PGAP6: variants seen among roughly 807,000 people sequenced by gnomAD.
PGAP6 encodes the protein post-GPI attachment to proteins 6.
A neutral mutation model predicts 68.4 loss-of-function variants in PGAP6; 62 were observed. That is an observed-to-expected ratio of 0.91 (90% confidence interval 0.74 to 1.12). The LOEUF is 1.12. PGAP6 is among the 50% of genes most tolerant of loss of function. The pLI is 0.00. For synonymous variants in PGAP6, 575 were observed against 474.0 expected (o/e 1.21, Z -2.77); for missense variants, 1,188 against 1,068.5 (o/e 1.11, Z -1.56).
chr16:374,938 C>CA, intron 8 of PGAP6, 46 bp from the exon 9 acceptor site: 1 of 1,609,864 alleles, frequency 6.2e-7, no homozygotes, highest in Non-Finnish European at 8.5e-7. Flanking sequence ...GATCTGACAG[C>CA]CCAGCTGCCA....
chr16:372,800 A>C (rs2054346926), intron 11 of PGAP6, 73 bp from the exon 12 acceptor site: 1 of 1,069,758 alleles, frequency 9.3e-7, no homozygotes, highest in African/African-American at 1.6e-5. Flanking sequence ...CGCGTACCCC[A>C]CGGCCCCACA....
chr16:384,562 T>C (rs1365225942), upstream of PGAP6, among the ~76,000 whole-genome samples: 1 of 152,120 alleles, frequency 6.6e-6, no homozygotes, highest in Non-Finnish European at 1.5e-5. Context: ...AACATTAAAA[T>C]GTAATGGAGA....
chr16:374,421 G>T, intron 9 of PGAP6, 22 bp from the exon 10 acceptor site: 2 of 1,539,830 alleles, frequency 1.3e-6, no homozygotes, highest in South Asian at 2.4e-5. Flanking sequence ...AAACCCCGAC[G>T]CGGAGGCTGG....
chr16:381,947 G>GGCCGGTCCCC lies in PGAP6; in HGVS notation c.-136_-127dup. On this transcript the variant is annotated 5_prime_UTR_variant, in exon 1 of 13. Coordinates refer to ENST00000431232, the MANE Select transcript of PGAP6 (RefSeq NM_021259.3). ...CCTCTGCCCCCGGCGCCCATGGCCC[G>GGCCGGTCCCC]GCCGGTCCCCGCCGCCGTCGCCCCG... 1 of 973,366 alleles carries GGCCGGTCCCC rather than the reference G, an allele frequency of 1.0e-6. No individual in the cohort carries two copies. Among genetic ancestry groups the GGCCGGTCCCC allele is most frequent in the African/African-American group, 1.8e-5 (1 of 56,464 alleles). 60.3% of individuals were successfully genotyped at this position (973,366 alleles called of 1,614,324 possible).
At position 372,219 on chromosome 16, in the gene PGAP6, A is replaced by T. The variant is rs775685733; in HGVS notation, c.2084T>A (p.Leu695His). Residue 695 changes from leucine (L) to histidine (H), a missense_variant, in exon 13 of 13, where the codon CTC becomes CAC. Physicochemically the swap from Leu to His is moderately conservative, Grantham distance 99 (BLOSUM62 -3). Coordinates refer to ENST00000431232, the MANE Select transcript of PGAP6 (RefSeq NM_021259.3). Reference protein sequence around the residue: ...PTSWQRWAFYLLPGVSMASVG... With the variant: ...PTSWQRWAFYHLPGVSMASVG... Reference sequence around the variant, plus strand: ...AGAGGCCATAGAGACGCCGGGCAGGAGGTAGAAGGCCCAGCGCTGCCACGA... The same window carrying T: ...AGAGGCCATAGAGACGCCGGGCAGGTGGTAGAAGGCCCAGCGCTGCCACGA... 1 of 1,612,484 alleles carries T rather than the reference A, an allele frequency of 6.2e-7. No homozygotes were observed. Among genetic ancestry groups the T allele is most frequent in the Non-Finnish European group, 8.5e-7 (1 of 1,179,902 alleles).
upstream of PGAP6, chr16:386,740 A>AT (rs746077748): frequency 2.0e-6 from 1 of 495,126 alleles, no homozygotes; most frequent in African/African-American, 2.0e-5. Context: ...AAAAAAAAAA[A>AT]AAAAAATTGG....
In PGAP6 at chr16:375,378, G is replaced by A. The variant is rs201414656; in HGVS notation, c.1282C>T (p.Leu428Phe). The A allele has an allele frequency of 2.7e-4, 432 of 1,613,016 alleles. 2 individuals carry two copies. Among genetic ancestry groups the A allele is most frequent in the Middle Eastern group, 2.6e-3 (16 of 6,042 alleles). Residue 428 changes from leucine (L) to phenylalanine (F), a missense_variant, in exon 7 of 13, where the codon CTT becomes TTT. Leu to Phe is a conservative substitution (Grantham distance 22, BLOSUM62 0). Transcript: ENST00000431232. ...CAGTTGAGCGAAGTATTGAAGCCAA[G>A]GAAGGGCGAGGCAGCATTCACGCAG... ...VACVNAASPF[L>F]GFNTSLNCTT...
At chr16:375,497 C>G in intron 6 of PGAP6, 62 bp from the exon 7 acceptor site, 2 of 1,412,738 alleles carry the variant, frequency 1.4e-6, no homozygotes, top group Non-Finnish European at 2.0e-6. Flanking sequence ...GGGTCATCTG[C>G]CCCACGTGCC....
chr16:380,681 C>T (rs551770982), intron 1 of PGAP6, among the ~76,000 whole-genome samples: 1 of 152,294 alleles, frequency 6.6e-6, no homozygotes, highest in African/African-American at 2.4e-5. Context: ...CAATTTAATC[C>T]GGGGCACGGT....
chr16:377,123 C>A lies in PGAP6; in HGVS notation c.549G>T (p.Leu183=). The A allele has an allele frequency of 6.2e-7, 1 of 1,613,668 alleles. No homozygotes were observed. The highest frequency in any genetic ancestry group is 1.1e-5 in the South Asian group (1 of 91,090). Residue 183 remains leucine (L), a synonymous_variant, in exon 4 of 13, where the codon CTG becomes CTT. Transcript: ENST00000431232. ...PTCAYVFQPE[L]LVTRVVEISI... The stretch of plus-strand genomic sequence containing the variant: ...AAATCTCGACCACCCGCGTGACCAG[C>A]AGTTCAGGCTGGAAGACGTAGGCAC...
Position 381,756 on chromosome 16 carries a change from C to T in PGAP6, c.66G>A (p.Leu22=). The T allele has an allele frequency of 4.1e-6, 5 of 1,207,692 alleles. No homozygotes were observed. Among genetic ancestry groups the T allele is most frequent in the Non-Finnish European group, 5.1e-6 (5 of 970,906 alleles). 74.8% of individuals were successfully genotyped at this position (1,207,692 alleles called of 1,614,324 possible). The change falls in exon 1 of 13, where the codon CTG becomes CTA. Residue 22 remains leucine (L), a synonymous_variant. Coordinates refer to ENST00000431232, the MANE Select transcript of PGAP6 (RefSeq NM_021259.3). ...AVAAVVAGPL[L]LLLLARPPPA... ...GCGGGGGCCGGGCAAGCAGCAGCAG[C>T]AGCAGCGGCCCCGCCACCACCGCGG...
rs759696587 is a variant in PGAP6 at position 376,121 on chromosome 16, G to T, written c.1224+15C>A. The T allele has an allele frequency of 1.3e-6, 2 of 1,586,402 alleles. No homozygotes were observed. The highest frequency in any genetic ancestry group is 2.2e-5 in the South Asian group (2 of 89,292). ...CCCGAGCCCAGGCCACAGGCCGCTT[G>T]CAGACAGCAGGTACCTTGTTGGCCC... On this transcript the variant is annotated intron_variant, in intron 6 of 12. Transcript: ENST00000431232.
intron 11 of PGAP6, among the ~76,000 whole-genome samples, chr16:373,762 C>A (rs2054354047): frequency 6.6e-6 from 1 of 152,206 alleles, no homozygotes; most frequent in African/African-American, 2.4e-5. Flanking sequence ...CTCATGGGAT[C>A]CTCCTGCAAG....
chr16:381,842 G>A lies in PGAP6; in HGVS notation c.-21C>T. The stretch of plus-strand genomic sequence containing the variant: ...CCCATGGCTCCGCGCTCGGCCCGGC[G>A]CTACCCGGCCCGCGTCCCGCGCCGC... On this transcript the variant is annotated 5_prime_UTR_variant, in exon 1 of 13. Transcript: ENST00000431232. 2.0e-6 allele frequency: 2 copies of A among 1,010,644 alleles called. No homozygotes were observed. The highest frequency in any genetic ancestry group is 2.4e-6 in the Non-Finnish European group (2 of 848,112). 62.6% of individuals were successfully genotyped at this position (1,010,644 alleles called of 1,614,324 possible).
Position 376,783 on chromosome 16 carries a change from A to C in PGAP6, c.665T>G (p.Leu222Arg). 6.2e-7 allele frequency: 1 copy of C among 1,609,566 alleles called. No individual in the cohort carries two copies. Among genetic ancestry groups the C allele is most frequent in the Non-Finnish European group, 8.5e-7 (1 of 1,179,880 alleles). Residue 222 changes from leucine to arginine, a missense_variant, in exon 5 of 13, where the codon CTT becomes CGT. Transcript: ENST00000431232. ...KVFVPDYTRELLLELRDCVSN... is the reference protein window; with the variant it reads ...KVFVPDYTRERLLELRDCVSN... ...CACGCAGTCCCGCAGCTCCAGCAGA[A>C]GCTCCCGCGTGTAATCGGGGACAAA...
chr16:376,517 C>G (rs1450483985), intron 5 of PGAP6, 27 bp downstream of exon 5: 2 of 1,544,742 alleles, frequency 1.3e-6, no homozygotes, highest in Non-Finnish European at 1.7e-6. Context: ...GGGGCAGGGC[C>G]ATCCCTCCAG....
chr16:372,024 C>A lies in PGAP6; in HGVS notation c.2279G>T (p.Cys760Phe), dbSNP rs1362154871. 6.2e-7 allele frequency: 1 copy of A among 1,612,694 alleles called. No individual in the cohort carries two copies. Among genetic ancestry groups the A allele is most frequent in the African/African-American group, 1.3e-5 (1 of 74,926 alleles). The stretch of plus-strand genomic sequence containing the variant: ...GTACAGTTCCTCCCGATCGTTCTTG[C>A]AGATCTGATAGTGGCAGGGGAATTT... ...SQKFPCHYQI[C>F]KNDREELYAV... The change falls in exon 13 of 13, where the codon TGC (cysteine) becomes TTC (phenylalanine). Residue 760 changes from cysteine to phenylalanine, a missense_variant. Physicochemically the swap from Cys to Phe is radical, Grantham distance 205. Coordinates refer to ENST00000431232, the MANE Select transcript of PGAP6 (RefSeq NM_021259.3).
In PGAP6 at chr16:372,022, T is replaced by C; in HGVS notation, c.2281A>G (p.Lys761Glu). The C allele has an allele frequency of 1.2e-6, 2 of 1,612,762 alleles. No individual in the cohort carries two copies. Among genetic ancestry groups the C allele is most frequent in the Non-Finnish European group, 1.7e-6 (2 of 1,179,908 alleles). ...GCGTACAGTTCCTCCCGATCGTTCT[T>C]GCAGATCTGATAGTGGCAGGGGAAT... ...QKFPCHYQIC[K>E]NDREELYAVT Residue 761 changes from lysine (K) to glutamate (E), a missense_variant, in exon 13 of 13, where the codon AAG (lysine) becomes GAG (glutamate). Lys to Glu is a moderately conservative substitution (Grantham distance 56). Transcript: ENST00000431232.
At chr16:375,746 G>A (rs951561508) in intron 6 of PGAP6, among the ~76,000 whole-genome samples, 3 of 152,056 alleles carry the variant, frequency 2.0e-5, no homozygotes, top group African/African-American at 7.2e-5. Context: ...TAGCCAGGAT[G>A]GTCCCAATCT....
Sources: allele counts gnomAD v4.1 joint callset (sites outside exome capture counted in the v4.1 genomes callset), GRCh38; gene constraint gnomAD v4.1.1; transcripts MANE v1.5; gene names NCBI Gene and HGNC (gene_info 2026-07-23, HGNC 2026-07-21).